The following XKR4 variants were observed in gnomAD, a reference collection of about 807,000 sequenced individuals.
The protein encoded by XKR4 is XK-related protein 4.
A neutral mutation model predicts 53.9 loss-of-function variants in XKR4; 12 were observed. The observed-to-expected ratio is 0.22, with a 90% CI of 0.14 to 0.36. The LOEUF is 0.36. XKR4 is among the 10% of genes least tolerant of loss of function. The pLI, the probability that XKR4 is intolerant of heterozygous loss-of-function variation, is 1.00. For missense variants in XKR4, 799 were observed against 859.5 expected (o/e 0.93, Z 0.88); for synonymous variants, 354 against 362.4 (o/e 0.98, Z 0.26).
At chr8:55,417,619 G>T (rs1320808370) in intron 2 of XKR4, among the ~76,000 whole-genome samples, 1 of 152,202 alleles carries the variant, frequency 6.6e-6, no homozygotes, top group Non-Finnish European at 1.5e-5. Flanking sequence ...CATTTTGCTG[G>T]ATGTATGTGA....
At chr8:55,118,851 TA>T (rs1425973074) in intron 1 of XKR4, among the ~76,000 whole-genome samples, 1 of 152,206 alleles carries the variant, frequency 6.6e-6, no homozygotes, top group African/African-American at 2.4e-5. Context: ...AGGTGATTTC[TA>T]AATATGTTTT....
chr8:55,281,536 C>T (rs1370510197), intron 1 of XKR4, among the ~76,000 whole-genome samples: 1 of 152,150 alleles, frequency 6.6e-6, no homozygotes, highest in Non-Finnish European at 1.5e-5. Flanking sequence ...TAGAAACATG[C>T]ATGCCACTCA....
At chr8:55,262,930 C>A (rs541113503) in intron 1 of XKR4, among the ~76,000 whole-genome samples, 1 of 152,272 alleles carries the variant, frequency 6.6e-6, no homozygotes, top group Admixed American at 6.5e-5. Flanking sequence ...GTGGTGAAAT[C>A]TTTTCCTACA....
intron 1 of XKR4, among the ~76,000 whole-genome samples, chr8:55,233,498 G>T (rs891375707): frequency 1.3e-5 from 2 of 152,130 alleles, no homozygotes; most frequent in South Asian, 4.1e-4. Context: ...CCTCATGCCT[G>T]CACAGGCTTG....
chr8:55,254,189 T>G (rs1360207615), intron 1 of XKR4, among the ~76,000 whole-genome samples: 1 of 152,006 alleles, frequency 6.6e-6, no homozygotes, highest in Non-Finnish European at 1.5e-5. Flanking sequence ...AAGAGAGAGA[T>G]ATATATAGAG....
intron 1 of XKR4, among the ~76,000 whole-genome samples, chr8:55,249,398 A>G (rs1419078122): frequency 1.3e-5 from 2 of 152,178 alleles, no homozygotes; most frequent in African/African-American, 2.4e-5. Flanking sequence ...TACAAGGTCA[A>G]TATAGTTGCC....
intron 2 of XKR4, among the ~76,000 whole-genome samples, chr8:55,358,154 A>G (rs1231015533): frequency 6.6e-6 from 1 of 152,248 alleles, no homozygotes; most frequent in African/African-American, 2.4e-5. Context: ...GGATAGAGTC[A>G]GTCAACTGAG....
intron 2 of XKR4, among the ~76,000 whole-genome samples, chr8:55,406,257 T>C (rs537065409): frequency 6.6e-6 from 1 of 152,356 alleles, no homozygotes; most frequent in Non-Finnish European, 1.5e-5. Context: ...AAGTGCTCCC[T>C]AGTTGCATCT....
intron 1 of XKR4, among the ~76,000 whole-genome samples, chr8:55,153,908 G>A (rs1816871630): frequency 6.6e-6 from 1 of 152,174 alleles, no homozygotes; most frequent in Non-Finnish European, 1.5e-5. Flanking sequence ...AAGATAGAGG[G>A]GAATTGATAA....
chr8:55,364,740 C>A (rs1177667317), intron 2 of XKR4, among the ~76,000 whole-genome samples: 1 of 152,112 alleles, frequency 6.6e-6, no homozygotes, highest in Non-Finnish European at 1.5e-5. Flanking sequence ...TCAATCAATT[C>A]TCCTGCCTCA....
intron 2 of XKR4, chr8:55,452,488 G>A (rs1201536740): frequency 3.2e-6 from 2 of 632,812 alleles, no homozygotes; most frequent in South Asian, 3.4e-5. Flanking sequence ...AGGTAGATGC[G>A]CAGGCCATCC....
At chr8:55,146,905 G>A (rs532911120) in intron 1 of XKR4, among the ~76,000 whole-genome samples, 18 of 152,320 alleles carry the variant, frequency 1.2e-4, no homozygotes, top group Non-Finnish European at 1.6e-4. Flanking sequence ...TTCTGCCCAC[G>A]CTGGAGCTCC....
At position 55,534,050 on chromosome 8, in the gene XKR4, G is replaced by A. The variant is rs576225934; in HGVS notation, c.*9823G>A. ...TAAATGGATTCAAATCCACATGTTT[G>A]GAAATGAAAATAATGCACTGTCATC... On this transcript the variant is annotated 3_prime_UTR_variant, in exon 3 of 3. Transcript: ENST00000327381. 13 of 152,062 alleles carry A rather than the reference G, an allele frequency of 8.5e-5. No homozygotes were observed. The highest frequency in any genetic ancestry group is 1.8e-4 in the Non-Finnish European group (12 of 68,018). 9.4% of individuals were successfully genotyped at this position (152,062 alleles called of 1,614,324 possible).
At chr8:55,334,419 T>C (rs1803426487) in intron 1 of XKR4, among the ~76,000 whole-genome samples, 1 of 152,164 alleles carries the variant, frequency 6.6e-6, no homozygotes, top group Non-Finnish European at 1.5e-5. Context: ...TAACAGTTTC[T>C]CAATCTGTGG....
At chr8:55,288,791 A>G (rs2129374973) in intron 1 of XKR4, among the ~76,000 whole-genome samples, 1 of 152,356 alleles carries the variant, frequency 6.6e-6, no homozygotes, top group African/African-American at 2.4e-5. Context: ...AGGGTCCCTC[A>G]TGTTATTCCT....
intron 2 of XKR4, among the ~76,000 whole-genome samples, chr8:55,483,775 AG>A (rs1263185420): frequency 9.3e-5 from 14 of 150,478 alleles, no homozygotes; most frequent in Admixed American, 8.6e-4. Context: ...CAAAAAAAAA[AG>A]TAGAAAGGGA....
At chr8:55,135,046 C>G (rs1585896640) in intron 1 of XKR4, among the ~76,000 whole-genome samples, 1 of 151,992 alleles carries the variant, frequency 6.6e-6, no homozygotes, top group East Asian at 1.9e-4. Context: ...ATATGCATAC[C>G]TGTATCTACA....
In XKR4 at chr8:55,532,531, C is replaced by A. The variant is rs899887170; in HGVS notation, c.*8304C>A. On this transcript the variant is annotated 3_prime_UTR_variant, in exon 3 of 3. Transcript: ENST00000327381. ...AGAAAATAGGCCGGGCGCAGTGGCT[C>A]ACGCCTGTAATCCCAACACTTTGGG... 3 of 152,226 alleles carry A rather than the reference C, an allele frequency of 2.0e-5. No individual in the cohort carries two copies. Among genetic ancestry groups the A allele is most frequent in the Non-Finnish European group, 4.4e-5 (3 of 68,062 alleles). 9.4% of individuals were successfully genotyped at this position (152,226 alleles called of 1,614,324 possible).
At chr8:55,336,770 G>T (rs1803466955) in intron 1 of XKR4, among the ~76,000 whole-genome samples, 1 of 152,072 alleles carries the variant, frequency 6.6e-6, no homozygotes, top group Non-Finnish European at 1.5e-5. Flanking sequence ...TTAAATATTT[G>T]ATTTACAATT....
Sources: gnomAD v4.1 joint callset for allele counts (sites outside exome capture counted in the v4.1 genomes callset) on GRCh38, gnomAD v4.1.1 for gene constraint, MANE v1.5 for transcripts, NCBI Gene and HGNC (gene_info 2026-07-23, HGNC 2026-07-21) for gene names.